Variants in CTNNA2 observed in about 807,000 individuals in gnomAD.
CTNNA2 encodes catenin alpha-2.
CTNNA2 carries 42 observed loss-of-function variants against 101.0 expected under a neutral mutation model. The observed-to-expected ratio is 0.42, with a 90% CI of 0.32 to 0.54. The LOEUF (loss-of-function observed/expected upper bound fraction) is 0.54, where lower values mean the gene tolerates loss of function less well. CTNNA2 is among the 20% of genes least tolerant of loss of function. The pLI, the probability that CTNNA2 is intolerant of heterozygous loss-of-function variation, is 0.14. For missense variants in CTNNA2, 871 were observed against 1,223.1 expected (o/e 0.71, Z 4.29); for synonymous variants, 450 against 456.4 (o/e 0.99, Z 0.18).
intron 9 of CTNNA2, among the ~76,000 whole-genome samples, chr2:80,524,071 G>T (rs1689815380): frequency 6.6e-6 from 1 of 152,162 alleles, no homozygotes; most frequent in East Asian, 1.9e-4. Flanking sequence ...AGCTGCTGAT[G>T]GGGATGACAG....
At chr2:79,349,647 G>T (rs1331423751) in intron 3 of CTNNA2, among the ~76,000 whole-genome samples, 1 of 152,114 alleles carries the variant, frequency 6.6e-6, no homozygotes, top group Admixed American at 6.5e-5. Context: ...GCCAACAATA[G>T]CTTGGAAGTC....
At chr2:80,521,670 C>T (rs750851771) in intron 9 of CTNNA2, among the ~76,000 whole-genome samples, 3 of 152,088 alleles carry the variant, frequency 2.0e-5, no homozygotes, top group Non-Finnish European at 4.4e-5. Flanking sequence ...ATGGGGGCAG[C>T]CTCTAGGAGT....
chr2:80,026,555 C>T (rs1250531398), intron 7 of CTNNA2, among the ~76,000 whole-genome samples: 1 of 152,116 alleles, frequency 6.6e-6, no homozygotes, highest in Non-Finnish European at 1.5e-5. Context: ...ACTTTCTACT[C>T]TAGATGAATC....
intron 7 of CTNNA2, among the ~76,000 whole-genome samples, chr2:80,043,140 T>A (rs1466069055): frequency 1.6e-5 from 1 of 60,948 alleles, no homozygotes; most frequent in Non-Finnish European, 3.2e-5. Context: ...CTTCCTTCCT[T>A]CCTTCCTTCC....
At chr2:79,772,544 C>G (rs754571774) in intron 3 of CTNNA2, among the ~76,000 whole-genome samples, 1 of 152,190 alleles carries the variant, frequency 6.6e-6, no homozygotes, top group Non-Finnish European at 1.5e-5. Flanking sequence ...TTTGTTGACT[C>G]TCTGCCTTGC....
At chr2:80,060,530 C>A (rs1336013793) in intron 7 of CTNNA2, among the ~76,000 whole-genome samples, 1 of 152,174 alleles carries the variant, frequency 6.6e-6, no homozygotes, top group East Asian at 1.9e-4. Flanking sequence ...TGACCTGGCT[C>A]CTCGCGTGCC....
At chr2:80,619,921 A>G (rs1408401074) in intron 18 of CTNNA2, among the ~76,000 whole-genome samples, 1 of 151,834 alleles carries the variant, frequency 6.6e-6, no homozygotes, top group Non-Finnish European at 1.5e-5. Flanking sequence ...CTATTGTTTC[A>G]TTTGGGTTTC....
intron 1 of CTNNA2, among the ~76,000 whole-genome samples, chr2:79,522,107 T>C (rs1672149907): frequency 6.6e-6 from 1 of 152,166 alleles, no homozygotes; most frequent in Admixed American, 6.5e-5. Flanking sequence ...AGTAATTATT[T>C]TCTACTTTTT....
intron 4 of CTNNA2, among the ~76,000 whole-genome samples, chr2:79,427,800 G>C (rs1476089150): frequency 6.6e-6 from 1 of 151,788 alleles, no homozygotes; most frequent in Non-Finnish European, 1.5e-5. Context: ...TTTTTACCAG[G>C]TCTCCAAATG....
intron 1 of CTNNA2, among the ~76,000 whole-genome samples, chr2:79,525,964 G>A (rs998881567): frequency 1.3e-5 from 2 of 151,940 alleles, no homozygotes; most frequent in Non-Finnish European, 2.9e-5. Context: ...AAATTTTCTT[G>A]ATGACTGGTT....
intron 7 of CTNNA2, among the ~76,000 whole-genome samples, chr2:80,071,554 G>A (rs1429765889): frequency 6.6e-6 from 1 of 150,782 alleles, no homozygotes; most frequent in Non-Finnish European, 1.5e-5. Flanking sequence ...GGTGGTGTGT[G>A]GACCTGAGAT....
rs72818632 is a variant in CTNNA2 at position 79,321,314 on chromosome 2, G to A, written c.-318+8518G>A. On this transcript the variant is annotated intron_variant, in intron 3 of 21. Coordinates refer to the CTNNA2 transcript ENST00000466387. ...TCTTAACTAGTCTATCACCTCTTAC[G>A]TAGGGCATTGGCTCCAAATGCAAGA... Among the ~76,000 whole-genome samples the A allele has an allele frequency of 9.5e-3, 1,442 of 152,172 alleles. 10 individuals are homozygous for A. The highest frequency in any genetic ancestry group is 0.014 in the Non-Finnish European group (971 of 68,018).
intron 7 of CTNNA2, among the ~76,000 whole-genome samples, chr2:80,191,175 A>C (rs1021329228): frequency 6.6e-6 from 1 of 152,178 alleles, no homozygotes; most frequent in Non-Finnish European, 1.5e-5. Context: ...GTCTGAGGAA[A>C]TTTGCAATTT....
intron 9 of CTNNA2, among the ~76,000 whole-genome samples, chr2:80,512,660 A>C (rs920467822): frequency 1.6e-5 from 2 of 128,612 alleles, no homozygotes; most frequent in African/African-American, 6.4e-5. Flanking sequence ...ATATATGGCT[A>C]TAAATATTTT....
chr2:79,273,142 T>C lies in CTNNA2; in HGVS notation c.-405-39567T>C, dbSNP rs564089281. Among the ~76,000 whole-genome samples the C allele has an allele frequency of 3.7e-4, 56 of 152,158 alleles. No homozygotes were observed. The South Asian group carries it at 0.01, about 28-fold the overall frequency. On this transcript the variant is annotated intron_variant, in intron 2 of 21. Coordinates refer to the CTNNA2 transcript ENST00000466387. ...CCATGCAACAACATTCAAAACCAGTTAGTATCAACAAATAATACTGATATA... is the reference window on the plus strand; with the variant it reads ...CCATGCAACAACATTCAAAACCAGTCAGTATCAACAAATAATACTGATATA...
chr2:79,854,851 G>T (rs1296250069), intron 3 of CTNNA2, among the ~76,000 whole-genome samples: 1 of 152,096 alleles, frequency 6.6e-6, no homozygotes, highest in Non-Finnish European at 1.5e-5. Flanking sequence ...TCTTACACAT[G>T]CATACTATTT....
chr2:80,224,042 A>G lies in CTNNA2; in HGVS notation c.1057-169169A>G, dbSNP rs185538837. ...AGATGGCCCCTCGATTGTCCCAGCCAGAGAACCAGCCTTAGCTGCTCACTT... is the reference window on the plus strand; with the variant it reads ...AGATGGCCCCTCGATTGTCCCAGCCGGAGAACCAGCCTTAGCTGCTCACTT... On this transcript the variant is annotated intron_variant, in intron 7 of 18. Coordinates refer to ENST00000402739, the MANE Select transcript of CTNNA2 (RefSeq NM_001282597.3). Among the ~76,000 whole-genome samples, 126 of 152,318 alleles carry G rather than the reference A, an allele frequency of 8.3e-4. No homozygotes were observed. The East Asian group carries it at 0.021, about 25-fold the overall frequency.
At chr2:80,349,359 T>C (rs1338732711) in intron 7 of CTNNA2, among the ~76,000 whole-genome samples, 1 of 152,156 alleles carries the variant, frequency 6.6e-6, no homozygotes, top group Non-Finnish European at 1.5e-5. Context: ...GGCAGCTTTG[T>C]TGATTTGTTG....
Position 79,719,910 on chromosome 2 carries a change from G to A in CTNNA2, c.103-24477G>A, listed in dbSNP as rs539359871. Among the ~76,000 whole-genome samples, 4 of 152,218 alleles carry A rather than the reference G, an allele frequency of 2.6e-5. No individual in the cohort carries two copies. The East Asian group carries it at 5.8e-4, about 22-fold the overall frequency. ...TCTTTAGTTTAATTAGGCCCCACTT[G>A]TCAATTTTTGTTTTTGTTGCAATCA... On this transcript the variant is annotated intron_variant, in intron 2 of 18. Coordinates refer to ENST00000402739, the MANE Select transcript of CTNNA2 (RefSeq NM_001282597.3).
Sources: gnomAD v4.1 joint callset for allele counts (sites outside exome capture counted in the v4.1 genomes callset) on GRCh38, gnomAD v4.1.1 for gene constraint, MANE v1.5 for transcripts, NCBI Gene and HGNC (gene_info 2026-07-23, HGNC 2026-07-21) for gene names.